ALDH1A2: variants seen among roughly 807,000 people sequenced by gnomAD.
The protein encoded by ALDH1A2 is retinal dehydrogenase 2.
Under a neutral mutation model 60.3 loss-of-function variants are expected in ALDH1A2, and 27 were observed. The observed-to-expected ratio is 0.45, with a 90% CI of 0.33 to 0.62. The LOEUF (loss-of-function observed/expected upper bound fraction) is 0.62, where lower values mean the gene tolerates loss of function less well. Ranked by LOEUF, ALDH1A2 falls within the 20% of genes least tolerant of loss-of-function variation. ALDH1A2 has a pLI of 0.02. For synonymous variants in ALDH1A2, 289 were observed against 232.4 expected (o/e 1.24, Z -2.21); for missense variants, 581 against 643.8 (o/e 0.90, Z 1.06).
At chr15:58,049,022 G>C (rs1566960552) in intron 1 of ALDH1A2, among the ~76,000 whole-genome samples, 1 of 151,812 alleles carries the variant, frequency 6.6e-6, no homozygotes, top group Non-Finnish European at 1.5e-5. Context: ...CTGCTTTCTG[G>C]CACTATAGAT....
intron 1 of ALDH1A2, among the ~76,000 whole-genome samples, chr15:58,046,811 G>A (rs983570937): frequency 1.1e-4 from 16 of 152,040 alleles, no homozygotes; most frequent in African/African-American, 3.1e-4. Flanking sequence ...AATGCAGTAG[G>A]TGCTCAAAGG....
intron 1 of ALDH1A2, among the ~76,000 whole-genome samples, chr15:58,034,980 C>T (rs1896340365): frequency 6.6e-6 from 1 of 151,592 alleles, no homozygotes; most frequent in African/African-American, 2.4e-5. Flanking sequence ...GTAACGATGG[C>T]CTCATAAAAT....
At chr15:57,972,415 T>C (rs1207694779) in intron 7 of ALDH1A2, among the ~76,000 whole-genome samples, 2 of 152,212 alleles carry the variant, frequency 1.3e-5, no homozygotes, top group Non-Finnish European at 2.9e-5. Flanking sequence ...AGGTAAGCTT[T>C]AAAAATCAAG....
At chr15:58,061,472 T>G (rs754374946) in intron 1 of ALDH1A2, among the ~76,000 whole-genome samples, 1 of 151,084 alleles carries the variant, frequency 6.6e-6, no homozygotes, top group Non-Finnish European at 1.5e-5. Flanking sequence ...AAATAGCCAT[T>G]TAAAGTATTA....
intron 1 of ALDH1A2, among the ~76,000 whole-genome samples, chr15:58,055,334 T>C (rs918780725): frequency 1.3e-5 from 2 of 152,106 alleles, no homozygotes; most frequent in Non-Finnish European, 2.9e-5. Flanking sequence ...GTATTAATAA[T>C]AAAAGCCGTA....
At chr15:58,030,436 C>T (rs992158986) in intron 1 of ALDH1A2, among the ~76,000 whole-genome samples, 1 of 152,136 alleles carries the variant, frequency 6.6e-6, no homozygotes, top group Non-Finnish European at 1.5e-5. Context: ...CAATATCATA[C>T]TGAATGGGCA....
At chr15:58,056,449 A>G (rs572799822) in intron 1 of ALDH1A2, among the ~76,000 whole-genome samples, 3 of 152,248 alleles carry the variant, frequency 2.0e-5, no homozygotes, top group Admixed American at 2.0e-4. Flanking sequence ...TCTAGGAGGT[A>G]AAGACAGAAA....
intron 7 of ALDH1A2, among the ~76,000 whole-genome samples, chr15:57,974,226 G>A (rs1244724629): frequency 2.6e-5 from 4 of 152,094 alleles, no homozygotes; most frequent in Admixed American, 2.6e-4. Context: ...GTGGTCAGGA[G>A]ATCAAGACCA....
chr15:57,985,741 G>A (rs1894678634), intron 7 of ALDH1A2, among the ~76,000 whole-genome samples: 1 of 152,086 alleles, frequency 6.6e-6, no homozygotes, highest in African/African-American at 2.4e-5. Flanking sequence ...GAAGGCCTAA[G>A]GGATAGACTC....
chr15:58,054,846 A>G (rs916751389), intron 1 of ALDH1A2, among the ~76,000 whole-genome samples: 27 of 152,166 alleles, frequency 1.8e-4, no homozygotes, highest in African/African-American at 5.1e-4. Context: ...GTTCTTTATC[A>G]TAACCTAAAA....
intron 1 of ALDH1A2, among the ~76,000 whole-genome samples, chr15:58,048,179 G>T (rs780762927): frequency 6.6e-6 from 1 of 151,928 alleles, no homozygotes; most frequent in African/African-American, 2.4e-5. Context: ...CAAAAAAAAT[G>T]TAAAACTAAA....
chr15:58,003,866 A>C (rs1251833721), intron 4 of ALDH1A2, among the ~76,000 whole-genome samples: 2 of 151,930 alleles, frequency 1.3e-5, no homozygotes, highest in Non-Finnish European at 2.9e-5. Flanking sequence ...ATAATTAGGC[A>C]CTGCCATCGT....
At chr15:58,014,564 T>A (rs1895735713) in intron 1 of ALDH1A2, 4 of 491,736 alleles carry the variant, frequency 8.1e-6, no homozygotes, top group Non-Finnish European at 1.6e-5. Context: ...ATACATACAA[T>A]CATACACTGA....
intron 7 of ALDH1A2, among the ~76,000 whole-genome samples, chr15:57,967,227 A>C (rs117232582): frequency 1.1e-4 from 16 of 151,628 alleles, no homozygotes; most frequent in Non-Finnish European, 2.4e-4. Flanking sequence ...GAGCCTAGGA[A>C]ATTTATTTAC....
At chr15:58,052,786 A>G (rs1269483832) in intron 1 of ALDH1A2, among the ~76,000 whole-genome samples, 1 of 152,152 alleles carries the variant, frequency 6.6e-6, no homozygotes, top group Non-Finnish European at 1.5e-5. Context: ...TGCCTTGTTC[A>G]CTGCTCTGCA....
intron 7 of ALDH1A2, among the ~76,000 whole-genome samples, chr15:57,981,325 CACAG>C (rs1259542655): frequency 3.7e-4 from 53 of 145,104 alleles, no homozygotes; most frequent in Non-Finnish European, 5.0e-4. Context: ...CACACACACA[CACAG>C]ACACACACAA....
intron 7 of ALDH1A2, among the ~76,000 whole-genome samples, chr15:57,990,826 A>C (rs1894872468): frequency 6.7e-6 from 1 of 149,352 alleles, no homozygotes; most frequent in African/African-American, 2.5e-5. Context: ...CTGTGAGACA[A>C]GATTGTGCCA....
chr15:57,973,785 G>T (rs1056107274), intron 7 of ALDH1A2, among the ~76,000 whole-genome samples: 1 of 152,184 alleles, frequency 6.6e-6, no homozygotes, highest in Non-Finnish European at 1.5e-5. Context: ...CCCTCCAAAT[G>T]AATGTAAGCC....
At position 57,992,863 on chromosome 15, in the gene ALDH1A2, G is replaced by A. The variant is rs976002908; in HGVS notation, c.685-45C>T. ...GGAAACGTGGCTGATGAAAGCTGATGCATCATGTTAAATGAGATATGCTCT... is the reference window on the plus strand; with the variant it reads ...GGAAACGTGGCTGATGAAAGCTGATACATCATGTTAAATGAGATATGCTCT... On this transcript the variant is annotated intron_variant, in intron 6 of 12. Coordinates refer to ENST00000249750, the MANE Select transcript of ALDH1A2 (RefSeq NM_003888.4). 5.6e-6 allele frequency: 9 copies of A among 1,613,322 alleles called. No homozygotes were observed. The East Asian group carries it at 1.8e-4, about 32-fold the overall frequency.
Sources: allele counts gnomAD v4.1 joint callset (sites outside exome capture counted in the v4.1 genomes callset), GRCh38; gene constraint gnomAD v4.1.1; transcripts MANE v1.5; gene names NCBI Gene and HGNC (gene_info 2026-07-23, HGNC 2026-07-21).